Variants in FOXP2 observed in about 807,000 individuals in gnomAD.
FOXP2 encodes the protein forkhead box P2, also known as forkhead box protein P2.
FOXP2 carries 12 observed loss-of-function variants against 115.8 expected under a neutral mutation model. That is an observed-to-expected ratio of 0.10 (90% CI 0.07 to 0.17). The LOEUF (loss-of-function observed/expected upper bound fraction) is 0.17. Among genes scored for constraint, FOXP2 ranks in the 10% least tolerant of loss-of-function variants. FOXP2 has a pLI of 1.00. For synonymous variants in FOXP2, 328 were observed against 297.7 expected (o/e 1.10, Z -1.05); for missense variants, 629 against 843.5 (o/e 0.75, Z 3.15).
chr7:114,396,739 G>A (rs982914535), intron 2 of FOXP2, among the ~76,000 whole-genome samples: 3 of 151,812 alleles, frequency 2.0e-5, no homozygotes, highest in East Asian at 3.9e-4. Flanking sequence ...TAGACAGCAG[G>A]CATAAGTTTG....
chr7:114,263,412 T>TTTTCCC (rs1281966281), intron 1 of FOXP2, among the ~76,000 whole-genome samples: 2 of 150,920 alleles, frequency 1.3e-5, no homozygotes, highest in Admixed American at 1.3e-4. Context: ...TCCTTTTTCC[T>TTTTCCC]TTTCCCTTTC....
At chr7:114,140,923 C>T (rs1792190658) in intron 1 of FOXP2, among the ~76,000 whole-genome samples, 1 of 152,126 alleles carries the variant, frequency 6.6e-6, no homozygotes, top group African/African-American at 2.4e-5. Context: ...GTTCCTACAT[C>T]AACTTGTGTA....
rs1019810969 is a variant in FOXP2 at position 114,691,171 on chromosome 7, G to A, written c.*1245G>A. Reference sequence around the variant, plus strand: ...TTGTGTTTTTGTTTTCCCTCATTCAGTCAGTTATTTTCAGTGGTGAATACA... The same window carrying A: ...TTGTGTTTTTGTTTTCCCTCATTCAATCAGTTATTTTCAGTGGTGAATACA... On this transcript the variant is annotated 3_prime_UTR_variant, in exon 17 of 17. Transcript: ENST00000350908. 1 of 453,996 alleles carries A rather than the reference G, an allele frequency of 2.2e-6. No individual in the cohort carries two copies. The highest frequency in any genetic ancestry group is 4.4e-6 in the Non-Finnish European group (1 of 226,744). The allele number at this position is 453,996 out of a possible 1,614,324, so 28.1% of individuals were successfully genotyped here. A position where few individuals can be genotyped will look rare whatever the true frequency, so the allele number is the denominator to read the frequency against.
chr7:114,537,606 A>G (rs1362286831), intron 3 of FOXP2, among the ~76,000 whole-genome samples: 2 of 151,584 alleles, frequency 1.3e-5, no homozygotes, highest in Non-Finnish European at 3.0e-5. Context: ...TTTATCTACT[A>G]TTATTTTTTC....
chr7:114,456,085 G>A (rs1396640284), intron 2 of FOXP2, among the ~76,000 whole-genome samples: 1 of 152,026 alleles, frequency 6.6e-6, no homozygotes, highest in East Asian at 1.9e-4. Context: ...ATTCCCACTA[G>A]TTATGTCATT....
chr7:114,271,657 T>C (rs1284876460), intron 1 of FOXP2, among the ~76,000 whole-genome samples: 2 of 119,888 alleles, frequency 1.7e-5, no homozygotes, highest in Admixed American at 1.0e-4. Flanking sequence ...ATTATAAATA[T>C]TATTAAATAT....
At chr7:114,539,670 G>A (rs1208355488) in intron 3 of FOXP2, among the ~76,000 whole-genome samples, 1 of 151,918 alleles carries the variant, frequency 6.6e-6, no homozygotes, top group East Asian at 1.9e-4. Context: ...CATGAAATAG[G>A]CAAATTTAAA....
intron 1 of FOXP2, among the ~76,000 whole-genome samples, chr7:114,279,520 C>G (rs977678182): frequency 6.6e-6 from 1 of 152,064 alleles, no homozygotes; most frequent in Non-Finnish European, 1.5e-5. Context: ...TGTCACATTT[C>G]CCCTAGTTTG....
chr7:114,427,497 G>T (rs1211351614), intron 2 of FOXP2, among the ~76,000 whole-genome samples: 3 of 151,392 alleles, frequency 2.0e-5, no homozygotes, highest in African/African-American at 7.3e-5. Flanking sequence ...AGCTTTGAAA[G>T]CATATACTTA....
chr7:114,195,728 ATTTATTCCGTCCAGGAAGAAAGGGCT>A (rs1316379629), intron 1 of FOXP2, among the ~76,000 whole-genome samples: 1 of 152,032 alleles, frequency 6.6e-6, no homozygotes, highest in African/African-American at 2.4e-5. Flanking sequence ...ATTGGTTTAC[ATTTATTCCGTCCAGGAAGAAAGGGCT>A]TACTAAGTTG....
At chr7:114,649,997 C>T (rs1192685401) in intron 8 of FOXP2, among the ~76,000 whole-genome samples, 1 of 152,068 alleles carries the variant, frequency 6.6e-6, no homozygotes, top group Non-Finnish European at 1.5e-5. Flanking sequence ...CGCCTTCATA[C>T]AGGAGAATAA....
chr7:114,394,083 A>G (rs1030593807), intron 2 of FOXP2, among the ~76,000 whole-genome samples: 4 of 151,972 alleles, frequency 2.6e-5, no homozygotes, highest in Admixed American at 1.3e-4. Flanking sequence ...TCCAAAAGCA[A>G]TTAGCACACC....
intron 1 of FOXP2, among the ~76,000 whole-genome samples, chr7:114,176,235 T>A (rs1230713743): frequency 1.3e-5 from 2 of 149,312 alleles, no homozygotes; most frequent in Non-Finnish European, 1.5e-5. Context: ...TCTTGTCTTT[T>A]CTTTCTTTCT....
intron 1 of FOXP2, among the ~76,000 whole-genome samples, chr7:114,140,887 A>C (rs1157609954): frequency 4.0e-5 from 6 of 151,488 alleles, no homozygotes; most frequent in African/African-American, 1.5e-4. Flanking sequence ...TGTGATACAC[A>C]AGGATGTTTC....
chr7:114,379,499 A>T (rs1048463781), intron 2 of FOXP2, among the ~76,000 whole-genome samples: 7 of 152,110 alleles, frequency 4.6e-5, no homozygotes, highest in Admixed American at 1.3e-4. Flanking sequence ...GAATTGGGGC[A>T]TAGTAGGGGT....
intron 3 of FOXP2, among the ~76,000 whole-genome samples, chr7:114,607,113 T>A (rs555409606): frequency 1.3e-5 from 2 of 152,142 alleles, no homozygotes; most frequent in Non-Finnish European, 2.9e-5. Context: ...CTACACTAGA[T>A]GAAAGCCATC....
chr7:114,652,385 C>T (rs1806317138), intron 9 of FOXP2, 95 bp downstream of exon 9: 1 of 1,052,808 alleles, frequency 9.5e-7, no homozygotes, highest in East Asian at 2.6e-5. Context: ...CTGCATTTTA[C>T]TGTCTTAGCC....
chr7:114,526,107 C>T (rs989017955), intron 2 of FOXP2, among the ~76,000 whole-genome samples: 3 of 137,312 alleles, frequency 2.2e-5, no homozygotes, highest in East Asian at 2.3e-4. Context: ...AGTGAAATTT[C>T]GTCTCAAAAA....
intron 3 of FOXP2, among the ~76,000 whole-genome samples, chr7:114,564,106 C>A (rs1255621485): frequency 6.6e-6 from 1 of 152,094 alleles, no homozygotes; most frequent in Admixed American, 6.6e-5. Context: ...ACTACTAATT[C>A]CTGATCTGCA....
Sources: gnomAD v4.1 joint callset for allele counts (sites outside exome capture counted in the v4.1 genomes callset) on GRCh38, gnomAD v4.1.1 for gene constraint, MANE v1.5 for transcripts, NCBI Gene and HGNC (gene_info 2026-07-23, HGNC 2026-07-21) for gene names.